STK33: variants seen among roughly 807,000 people sequenced by gnomAD.
STK33 encodes the protein serine/threonine-protein kinase 33.
A neutral mutation model predicts 58.0 loss-of-function variants in STK33; 52 were observed. That is an observed-to-expected ratio of 0.90 (90% CI 0.72 to 1.13). The LOEUF is 1.13. Among genes scored for constraint, STK33 ranks in the 50% most tolerant of loss-of-function variants. STK33 has a pLI of 0.00. For missense variants in STK33, 630 were observed against 604.2 expected (o/e 1.04, Z -0.45); for synonymous variants, 215 against 200.1 (o/e 1.07, Z -0.63).
intron 11 of STK33, among the ~76,000 whole-genome samples, chr11:8,447,887 C>G (rs916871933): frequency 1.3e-5 from 2 of 152,074 alleles, no homozygotes; most frequent in African/African-American, 4.8e-5. Flanking sequence ...TCTAGAAAAC[C>G]CCACTGTCTC....
the STK33 span, among the ~76,000 whole-genome samples, chr11:8,344,859 C>T: frequency 2.6e-5 from 4 of 152,286 alleles, no homozygotes; most frequent in South Asian, 2.1e-4. Flanking sequence ...GCATCCTGTG[C>T]GGTGCAGACC....
intron 1 of STK33, among the ~76,000 whole-genome samples, chr11:8,548,192 T>C (rs938340143): frequency 2.0e-5 from 3 of 152,148 alleles, no homozygotes; most frequent in Admixed American, 1.3e-4. Context: ...CCCAGACCAA[T>C]GTCCTCAAGT....
intron 1 of STK33, among the ~76,000 whole-genome samples, chr11:8,500,591 A>G (rs1397572827): frequency 2.0e-5 from 3 of 152,228 alleles, no homozygotes; most frequent in African/African-American, 4.8e-5. Flanking sequence ...GTCTTCATGT[A>G]TTGGAAGAAT....
At chr11:8,349,859 C>A in the STK33 span, among the ~76,000 whole-genome samples, 1 of 152,234 alleles carries the variant, frequency 6.6e-6, no homozygotes, top group South Asian at 2.1e-4. Context: ...TGTCCTTCAC[C>A]CACTCCTTAT....
intron 1 of STK33, among the ~76,000 whole-genome samples, chr11:8,522,791 C>T (rs370144628): frequency 1.1e-4 from 17 of 152,204 alleles, no homozygotes; most frequent in African/African-American, 3.6e-4. Flanking sequence ...TTCCTTTCTA[C>T]GGTCTCCCTC....
At chr11:8,574,132 G>A (rs1449276724) in intron 1 of STK33, among the ~76,000 whole-genome samples, 1 of 152,160 alleles carries the variant, frequency 6.6e-6, no homozygotes, top group Non-Finnish European at 1.5e-5. Flanking sequence ...CAGAGGAAGT[G>A]GACACTTAGA....
intron 15 of STK33, among the ~76,000 whole-genome samples, chr11:8,406,051 G>A (rs1426092115): frequency 6.7e-6 from 1 of 149,914 alleles, no homozygotes; most frequent in East Asian, 2.0e-4. Context: ...GCTGAGGCAG[G>A]AGAATGGCGG....
At chr11:8,497,535 T>C (rs1951158558) in intron 1 of STK33, among the ~76,000 whole-genome samples, 1 of 152,222 alleles carries the variant, frequency 6.6e-6, no homozygotes, top group Non-Finnish European at 1.5e-5. Flanking sequence ...AGTAGCATGA[T>C]CACAGCTCAC....
intron 6 of STK33, chr11:8,466,114 A>G (rs1387353575): frequency 6.6e-6 from 1 of 152,202 alleles, no homozygotes; most frequent in Non-Finnish European, 1.5e-5. Context: ...GGGAGCTACA[A>G]GGTGAAATTT....
the STK33 span, among the ~76,000 whole-genome samples, chr11:8,373,703 G>A: frequency 3.3e-5 from 5 of 152,256 alleles, no homozygotes; most frequent in African/African-American, 9.6e-5. Flanking sequence ...TCTTCACAGC[G>A]GGATCATCCC....
At chr11:8,502,800 C>T (rs1344581060) in intron 1 of STK33, among the ~76,000 whole-genome samples, 2 of 152,030 alleles carry the variant, frequency 1.3e-5, no homozygotes, top group Non-Finnish European at 2.9e-5. Flanking sequence ...ATAAACAACC[C>T]CATTAAAAAG....
At chr11:8,355,846 T>C in the STK33 span, among the ~76,000 whole-genome samples, 1 of 152,222 alleles carries the variant, frequency 6.6e-6, no homozygotes, top group Non-Finnish European at 1.5e-5. Flanking sequence ...TCGTAAATGG[T>C]AGCTTTTGTT....
At chr11:8,356,967 G>A in the STK33 span, among the ~76,000 whole-genome samples, 2 of 152,178 alleles carry the variant, frequency 1.3e-5, no homozygotes, top group South Asian at 2.1e-4. Flanking sequence ...GAAGTGGGGC[G>A]GGGCCCACAC....
the STK33 span, among the ~76,000 whole-genome samples, chr11:8,344,816 C>A: frequency 6.6e-6 from 1 of 152,214 alleles, no homozygotes; most frequent in Non-Finnish European, 1.5e-5. Flanking sequence ...GGAGGCTCCG[C>A]TCCTGGAGCC....
At chr11:8,394,258 G>A (rs757357856) in intron 15 of STK33, among the ~76,000 whole-genome samples, 39 of 152,192 alleles carry the variant, frequency 2.6e-4, no homozygotes, top group Non-Finnish European at 5.3e-4. Flanking sequence ...GCATCTGGCT[G>A]AGAACAAGTT....
At chr11:8,420,951 C>T (rs1364889004) in intron 14 of STK33, among the ~76,000 whole-genome samples, 1 of 150,956 alleles carries the variant, frequency 6.6e-6, no homozygotes, top group Non-Finnish European at 1.5e-5. Context: ...AGTGGGCATG[C>T]CAGCCTGGGT....
Position 8,392,707 on chromosome 11 carries a change from T to C in STK33, c.1348A>G (p.Thr450Ala), listed in dbSNP as rs184785381. The C allele has an allele frequency of 3.7e-6, 6 of 1,614,112 alleles. No homozygotes were observed. The highest frequency in any genetic ancestry group is 2.2e-5 in the East Asian group (1 of 44,894). The stretch of plus-strand genomic sequence containing the variant: ...GCAGGAAATTGCTTTTCATAAGCAG[T>C]AGACTGCAAATAAAAGGTCTTGATT... ...TSDEEEEKQS[T>A]AYEKQFPATS... Residue 450 changes from threonine (T) to alanine (A), a missense_variant, in exon 16 of 16, where the codon ACT (threonine) becomes GCT (alanine). Coordinates refer to ENST00000687296, the MANE Select transcript of STK33 (RefSeq NM_001352389.2).
chr11:8,581,348 T>C (rs951393416), intron 1 of STK33, among the ~76,000 whole-genome samples: 1 of 151,978 alleles, frequency 6.6e-6, no homozygotes, highest in Non-Finnish European at 1.5e-5. Flanking sequence ...GAGACCCCCA[T>C]ATATATAAAA....
chr11:8,367,837 A>T, the STK33 span, among the ~76,000 whole-genome samples: 1 of 152,182 alleles, frequency 6.6e-6, no homozygotes, highest in South Asian at 2.1e-4. Context: ...TGATATGCAC[A>T]TTGAACATGC....
Sources: allele counts gnomAD v4.1 joint callset (sites outside exome capture counted in the v4.1 genomes callset), GRCh38; gene constraint gnomAD v4.1.1; transcripts MANE v1.5; gene names NCBI Gene and HGNC (gene_info 2026-07-23, HGNC 2026-07-21).